WDR46: variants seen among roughly 807,000 people sequenced by gnomAD.
WDR46 encodes WD repeat domain 46.
In WDR46, 58 loss-of-function variants were observed where a neutral mutation model predicts 74.7. The ratio of observed to expected loss-of-function variants is 0.78; its 90% CI spans 0.63 to 0.97. WDR46 has a LOEUF of 0.97. Among genes scored for constraint, WDR46 ranks in the 50% least tolerant of loss-of-function variants. The pLI, the probability that WDR46 is intolerant of heterozygous loss-of-function variation, is 0.00. For missense variants in WDR46, 702 were observed against 790.1 expected, an observed-to-expected ratio of 0.89 and a Z score of 1.34; for synonymous variants, 278 against 297.3, an observed-to-expected ratio of 0.93 and a Z score of 0.67.
intron 9 of WDR46, 62 bp downstream of exon 9, chr6:33,287,029 G>A (rs547526632): frequency 2.5e-6 from 4 of 1,594,130 alleles, no homozygotes; most frequent in African/African-American, 1.4e-5. Context: ...GACTCATGAA[G>A]TACAAATATA....
In WDR46 at chr6:33,279,535, C is replaced by T; in HGVS notation, c.1696G>A (p.Val566Met). 6.2e-7 allele frequency: 1 copy of T among 1,614,092 alleles called. No homozygotes were observed. Among genetic ancestry groups the T allele is most frequent in the Middle Eastern group, 1.6e-4 (1 of 6,062 alleles). The change falls in exon 14 of 15, where the codon GTG (valine) becomes ATG (methionine). Residue 566 changes from valine (V) to methionine (M), a missense_variant. Physicochemically the swap from Val to Met is conservative, Grantham distance 21. Coordinates refer to ENST00000374617, the MANE Select transcript of WDR46 (RefSeq NM_005452.6). ...QKGRSSTASLVKRKRKVMDEE... is the reference protein window; with the variant it reads ...QKGRSSTASLMKRKRKVMDEE... ...TCCATGACCTTCCTCTTCCTCTTCA[C>T]CAGGCTTGCCGTGGAGCTGCGGCCC...
In WDR46 at chr6:33,280,784, G is replaced by A. The variant is rs1766101889; in HGVS notation, c.1319C>T (p.Pro440Leu). The change falls in exon 11 of 15, where the codon CCC becomes CTC. Residue 440 changes from proline to leucine, a missense_variant. Physicochemically the swap from Pro to Leu is moderately conservative, Grantham distance 98 (BLOSUM62 -3). Coordinates refer to ENST00000374617, the MANE Select transcript of WDR46 (RefSeq NM_005452.6). ...GCCTGAGAGCCGGTGGGTGAGGTAGGGCTGTTCAAGGGAGGGTGGGCTGGC... is the reference window on the plus strand; with the variant it reads ...GCCTGAGAGCCGGTGGGTGAGGTAGAGCTGTTCAAGGGAGGGTGGGCTGGC... ...GKASPPSLEQ[P>L]YLTHRLSGPV... The A allele has an allele frequency of 4.3e-6, 7 of 1,614,168 alleles. No homozygotes were observed. The highest frequency in any genetic ancestry group is 5.1e-6 in the Non-Finnish European group (6 of 1,180,024).
rs769698609 is a variant in WDR46 at position 33,287,489 on chromosome 6, C to G, written c.745G>C (p.Ala249Pro). ...CGGTTCTGAGCAACAGCAAGCAGTG[C>G]CTCAGAATGGAGAAACCTGGGGGAG... ...VRDIRFLHSE[A>P]LLAVAQNRWL... The change falls in exon 8 of 15, where the codon GCA (alanine) becomes CCA (proline). Residue 249 changes from alanine to proline, a missense_variant. Coordinates refer to ENST00000374617, the MANE Select transcript of WDR46 (RefSeq NM_005452.6). 1.9e-6 allele frequency: 3 copies of G among 1,612,938 alleles called. No homozygotes were observed. The highest frequency in any genetic ancestry group is 2.5e-6 in the Non-Finnish European group (3 of 1,179,886).
In WDR46 at chr6:33,287,985, T is replaced by C. The variant is rs758585312; in HGVS notation, c.603A>G (p.Leu201=). ...CTTACCTTCCAGTTCGAGAGTAGTT[T>C]AGTCTGTAGGGTCCAAACTGCCGCA... is the stretch of plus-strand genomic sequence containing the variant. The part of the protein sequence containing the change: ...LNLRQFGPYR[L]NYSRTGRHLA... The change falls in exon 6 of 15, where the codon CTA becomes CTG. Residue 201 remains leucine, a synonymous_variant. Transcript: ENST00000374617. 6 of 1,614,070 alleles carry C rather than the reference T, an allele frequency of 3.7e-6. No individual in the cohort carries two copies. The highest frequency in any genetic ancestry group is 5.1e-6 in the Non-Finnish European group (6 of 1,180,038).
Position 33,279,842 on chromosome 6 carries a change from A to G in WDR46, c.1542T>C (p.Ile514=). The change falls in exon 13 of 15, where the codon ATT becomes ATC. Residue 514 remains isoleucine, a synonymous_variant. Transcript: ENST00000374617. The stretch of plus-strand genomic sequence containing the variant: ...CGGCCAGGGCTCGTGGGTCCAGACA[A>G]ATAAGCTCTGCAGGTACCTGGGGGT... ...ALLEKVPAEL[I]CLDPRALAEV... 1 of 1,614,024 alleles carries G rather than the reference A, an allele frequency of 6.2e-7. No homozygotes were observed. The highest frequency in any genetic ancestry group is 8.5e-7 in the Non-Finnish European group (1 of 1,179,954).
chr6:33,288,724 C>T, intron 2 of WDR46, 30 bp from the exon 3 acceptor site: 1 of 1,612,922 alleles, frequency 6.2e-7, no homozygotes, highest in Non-Finnish European at 8.5e-7. Context: ...AATTAGCAGA[C>T]AGCCTTGGAT....
At position 33,286,055 on chromosome 6, in the gene WDR46, C is replaced by T. The variant is rs191110249; in HGVS notation, c.1115+740G>A. Among the ~76,000 whole-genome samples the T allele has an allele frequency of 6.2e-3, 935 of 151,870 alleles. 8 individuals carry two copies. Among genetic ancestry groups the T allele is most frequent in the African/African-American group, 0.016 (673 of 41,416 alleles). ...ACTTGGGAGACTGAGGCAGGAGAAT[C>T]GCTTGAATCTGGGAGGCGGAGGTTG... is the stretch of plus-strand genomic sequence containing the variant. On this transcript the variant is annotated intron_variant, in intron 10 of 14. Transcript: ENST00000374617.
chr6:33,281,109 T>A, intron 10 of WDR46, 122 bp from the exon 11 acceptor site: 1 of 990,542 alleles, frequency 1.0e-6, no homozygotes, highest in Non-Finnish European at 1.5e-6. Context: ...ACCACTGCCA[T>A]CACCCTGAAC....
chr6:33,285,303 G>A (rs1323281579), intron 10 of WDR46, among the ~76,000 whole-genome samples: 3 of 151,918 alleles, frequency 2.0e-5, no homozygotes, highest in Admixed American at 1.3e-4. Flanking sequence ...CCTGGGCTGA[G>A]GTGGGAGGAT....
In WDR46 at chr6:33,280,721, A is replaced by G; in HGVS notation, c.1382T>C (p.Val461Ala). ...GCCCCCAGTGTGCCCCACCCCCAGC[A>G]CATCTTCAAAGGGGCAGAACTGAAG... ...HGLQFCPFED[V>A]LGVGHTGGIT... Residue 461 changes from valine to alanine, a missense_variant, in exon 11 of 15, where the codon GTG (valine) becomes GCG (alanine). Val to Ala is a moderately conservative substitution (Grantham distance 64, BLOSUM62 0). Coordinates refer to ENST00000374617, the MANE Select transcript of WDR46 (RefSeq NM_005452.6). 1 of 1,600,528 alleles carries G rather than the reference A, an allele frequency of 6.2e-7. No homozygotes were observed. The highest frequency in any genetic ancestry group is 8.5e-7 in the Non-Finnish European group (1 of 1,171,220).
Position 33,288,200 on chromosome 6 carries a change from T to C in WDR46, c.509A>G (p.Lys170Arg). ...CTCCACAATGTCAGCCTGGCATATC[T>C]TTGCTGTGTCTTCCCCATCCTCCCC... ...LEGEDGEDTA[K>R]ICQADIVEAV... Residue 170 changes from lysine (K) to arginine (R), a missense_variant, in exon 5 of 15, where the codon AAG (lysine) becomes AGG (arginine). Transcript: ENST00000374617. 1 of 1,614,188 alleles carries C rather than the reference T, an allele frequency of 6.2e-7. No individual in the cohort carries two copies. Among genetic ancestry groups the C allele is most frequent in the East Asian group, 2.2e-5 (1 of 44,886 alleles).
rs1254221213 is a variant in WDR46, at chr6:33,279,866, G to T, written c.1525-7C>A. On this transcript the variant is annotated splice_polypyrimidine_tract_variant and splice_region_variant and intron_variant, in intron 12 of 14. Transcript: ENST00000374617. The stretch of plus-strand genomic sequence containing the variant: ...AAATAAGCTCTGCAGGTACCTGGGG[G>T]TGTCACAGAGGGACAGGACTCAGCA... 1 of 1,613,666 alleles carries T rather than the reference G, an allele frequency of 6.2e-7. No homozygotes were observed. The highest frequency in any genetic ancestry group is 8.5e-7 in the Non-Finnish European group (1 of 1,179,868).
In WDR46 at chr6:33,288,962, A is replaced by AGG; in HGVS notation, c.119_120dup (p.Ser41ProfsTer25). The AGG allele has an allele frequency of 3.1e-6, 5 of 1,614,016 alleles. No individual in the cohort carries two copies. The highest frequency in any genetic ancestry group is 4.2e-6 in the Non-Finnish European group (5 of 1,179,982). ...TTCTTGTTACGAGGAGGCCCTGGAG[A>AGG]GGCTCCGGCTGTGGTCGGAACGGTC... On this transcript the variant is annotated frameshift_variant, in exon 2 of 15. Coordinates refer to ENST00000374617, the MANE Select transcript of WDR46 (RefSeq NM_005452.6). LOFTEE classifies it high-confidence loss of function.
intron 10 of WDR46, among the ~76,000 whole-genome samples, chr6:33,283,023 A>G (rs1304676698): frequency 6.6e-6 from 1 of 152,208 alleles, no homozygotes; most frequent in Admixed American, 6.5e-5. Context: ...AGCCTGGCCA[A>G]CATGGTGAAA....
At chr6:33,282,949 C>A (rs1199545519) in intron 10 of WDR46, among the ~76,000 whole-genome samples, 1 of 152,234 alleles carries the variant, frequency 6.6e-6, no homozygotes, top group East Asian at 1.9e-4. Context: ...CGGTGGCTCA[C>A]GCCTATAATC....
chr6:33,285,054 AC>A lies in WDR46; in HGVS notation c.1115+1740del, dbSNP rs554704421. Among the ~76,000 whole-genome samples the A allele has an allele frequency of 1.7e-3, 259 of 152,352 alleles. 2 individuals carry two copies. The highest frequency in any genetic ancestry group is 8.7e-3 in the South Asian group (42 of 4,824). ...CAAAGATGAAATACTTGCAATCTCTACAGATCAGCATGAACATGAATATCTA... is the reference window on the plus strand; with the variant it reads ...CAAAGATGAAATACTTGCAATCTCTAAGATCAGCATGAACATGAATATCTA... On this transcript the variant is annotated intron_variant, in intron 10 of 14. Coordinates refer to ENST00000374617, the MANE Select transcript of WDR46 (RefSeq NM_005452.6).
rs559237200 is a variant in WDR46, at chr6:33,286,056, G to A, written c.1115+739C>T. ...CTTGGGAGACTGAGGCAGGAGAATC[G>A]CTTGAATCTGGGAGGCGGAGGTTGC... On this transcript the variant is annotated intron_variant, in intron 10 of 14. Transcript: ENST00000374617. Among the ~76,000 whole-genome samples the A allele has an allele frequency of 4.4e-4, 67 of 151,786 alleles. 1 individual carries two copies. The highest frequency in any genetic ancestry group is 1.4e-3 in the African/African-American group (57 of 41,416).
Position 33,279,297 on chromosome 6 carries a change from G to C in WDR46, c.1812C>G (p.Ala604=). The C allele has an allele frequency of 6.2e-7, 1 of 1,614,248 alleles. No individual in the cohort carries two copies. The change falls in exon 15 of 15, where the codon GCC becomes GCG. Residue 604 remains alanine, a synonymous_variant. Coordinates refer to ENST00000374617, the MANE Select transcript of WDR46 (RefSeq NM_005452.6). Reference sequence around the variant, plus strand: ...TGGCTCAGCGCACAAATCTGTCCAGGGCAGATGGCCGGGCCCCCGTGGGCT... The same window carrying C: ...TGGCTCAGCGCACAAATCTGTCCAGCGCAGATGGCCGGGCCCCCGTGGGCT... ...KAKPTGARPS[A]LDRFVR
chr6:33,289,113 T>G lies in WDR46; in HGVS notation c.58A>C (p.Thr20Pro), dbSNP rs769375504. ...DVPPKKDKLQTKRKKPRRYWE... is the reference protein window; with the variant it reads ...DVPPKKDKLQPKRKKPRRYWE... ...AGGGAGGCCTCTACCTTTCTCTTGG[T>G]CTGAAGTTTGTCTTTCTTGGGCGGG... Residue 20 changes from threonine to proline, a missense_variant, in exon 1 of 15, where the codon ACC becomes CCC. By Grantham distance (38) the Thr-to-Pro change is conservative. Transcript: ENST00000374617. The G allele has an allele frequency of 6.2e-7, 1 of 1,613,238 alleles. No individual in the cohort carries two copies. The highest frequency in any genetic ancestry group is 1.1e-5 in the South Asian group (1 of 91,032).
Sources: allele counts gnomAD v4.1 joint callset (sites outside exome capture counted in the v4.1 genomes callset), GRCh38; gene constraint gnomAD v4.1.1; transcripts MANE v1.5; gene names NCBI Gene and HGNC (gene_info 2026-07-23, HGNC 2026-07-21).